Variants in PCM1 observed in about 807,000 individuals in gnomAD.
PCM1 encodes the protein pericentriolar material 1.
PCM1 carries 157 observed loss-of-function variants against 241.9 expected under a neutral mutation model. The observed-to-expected ratio is 0.65, with a 90% confidence interval of 0.57 to 0.74. PCM1 has a LOEUF of 0.74. Ranked by LOEUF, PCM1 falls within the 30% of genes least tolerant of loss-of-function variation. The pLI, the probability that PCM1 is intolerant of heterozygous loss-of-function variation, is 0.00. For synonymous variants in PCM1, 1,085 were observed against 784.9 expected (o/e 1.38, Z -6.39); for missense variants, 3,478 against 2,360.1 (o/e 1.47, Z -9.81).
chr8:17,973,793 A>C (rs575471085), intron 23 of PCM1, among the ~76,000 whole-genome samples: 2 of 152,136 alleles, frequency 1.3e-5, no homozygotes, highest in Non-Finnish European at 2.9e-5. Context: ...AATGCATTGC[A>C]CACTGCTAAC....
rs749552536 is a variant in PCM1 at position 17,960,193 on chromosome 8, A to G, written c.2192+28A>G. ...ATGTTAAGCTTTTGGCCTTCATTTA[A>G]TATAATAAAAATTTAGTGCCTGTTT... On this transcript the variant is annotated intron_variant, in intron 14 of 38. Transcript: ENST00000325083. 9.0e-6 allele frequency: 14 copies of G among 1,548,186 alleles called. No individual in the cohort carries two copies. In the Admixed American group the frequency reaches 3.0e-4, roughly 34 times the overall value.
intron 29 of PCM1, among the ~76,000 whole-genome samples, chr8:18,005,600 AT>A: frequency 6.6e-6 from 1 of 152,162 alleles, no homozygotes; most frequent in Non-Finnish European, 1.5e-5. Flanking sequence ...AAAGTTAACC[AT>A]GATTCATATT....
rs1242682919 is a variant in PCM1, at chr8:18,011,768, G to A, written c.5452G>A (p.Val1818Ile). The change falls in exon 34 of 39, where the codon GTC becomes ATC. Residue 1818 changes from valine to isoleucine, a missense_variant. Coordinates refer to ENST00000325083, the MANE Select transcript of PCM1 (RefSeq NM_006197.4). ...AGAATTTGAAGAAGGCCCTGTGGAT[G>A]TCCAGACTTCCCTCCAGGCTAACAC... The part of the protein sequence containing the change: ...MEEFEEGPVD[V>I]QTSLQANTEA... The A allele has an allele frequency of 6.2e-7, 1 of 1,613,690 alleles. No individual in the cohort carries two copies. The highest frequency in any genetic ancestry group is 1.3e-5 in the African/African-American group (1 of 74,930).
intron 6 of PCM1, among the ~76,000 whole-genome samples, chr8:17,943,833 G>A (rs2062966388): frequency 6.6e-6 from 1 of 152,016 alleles, no homozygotes; most frequent in African/African-American, 2.4e-5. Flanking sequence ...TTTTCAAAAT[G>A]TAGTATTCTG....
chr8:17,984,130 A>G (rs1407594300), intron 24 of PCM1, among the ~76,000 whole-genome samples: 2 of 152,122 alleles, frequency 1.3e-5, no homozygotes, highest in Non-Finnish European at 2.9e-5. Context: ...TGGCATATTC[A>G]TTATTTGAGA....
At chr8:18,017,601 C>T (rs1038102518) in intron 36 of PCM1, among the ~76,000 whole-genome samples, 1 of 152,148 alleles carries the variant, frequency 6.6e-6, no homozygotes, top group Non-Finnish European at 1.5e-5. Context: ...TGCCTGTAAT[C>T]CCAGCCCTTT....
intron 33 of PCM1, 67 bp downstream of exon 33, chr8:18,011,433 T>A (rs1233789051): frequency 3.8e-6 from 5 of 1,325,988 alleles, no homozygotes; most frequent in East Asian, 2.5e-5. Context: ...TGGAACAGTT[T>A]GGTGGAGTGT....
At position 17,938,935 on chromosome 8, in the gene PCM1, A is replaced by C; in HGVS notation, c.538A>C (p.Ser180Arg). ...QCKELFASAL[S>R]NDLLQNCQVS... ...TAAAGAGTTGTTTGCTTCTGCTTTA[A>C]GTAATGACCTCTTGCAAAACTGTCA... is the stretch of plus-strand genomic sequence containing the variant. Residue 180 changes from serine to arginine, a missense_variant, in exon 5 of 39, where the codon AGT (serine) becomes CGT (arginine). Ser to Arg is a moderately radical substitution (Grantham distance 110, BLOSUM62 -1). Transcript: ENST00000325083. The C allele has an allele frequency of 6.2e-7, 1 of 1,613,806 alleles. No homozygotes were observed. The highest frequency in any genetic ancestry group is 8.5e-7 in the Non-Finnish European group (1 of 1,179,686).
At chr8:18,011,951 T>C in intron 34 of PCM1, 124 bp downstream of exon 34, 1 of 817,060 alleles carries the variant, frequency 1.2e-6, no homozygotes, top group Non-Finnish European at 1.9e-6. Context: ...AATGCAAGCC[T>C]CATTAATATG....
chr8:18,001,041 G>C (rs2089228547), intron 29 of PCM1, among the ~76,000 whole-genome samples: 1 of 152,190 alleles, frequency 6.6e-6, no homozygotes, highest in Non-Finnish European at 1.5e-5. Flanking sequence ...GCATATAGCT[G>C]CTGCCTAAAG....
At chr8:17,997,614 C>T (rs117906521) in intron 29 of PCM1, among the ~76,000 whole-genome samples, 1 of 152,174 alleles carries the variant, frequency 6.6e-6, no homozygotes, top group East Asian at 1.9e-4. Context: ...TTGATCAATT[C>T]TATTGAGAGA....
intron 8 of PCM1, among the ~76,000 whole-genome samples, chr8:17,951,463 A>G (rs1467035267): frequency 6.6e-6 from 1 of 152,240 alleles, no homozygotes; most frequent in East Asian, 1.9e-4. Flanking sequence ...TAGATGGAAG[A>G]ATATTCATGG....
chr8:17,980,894 C>T (rs896151220), intron 24 of PCM1, 139 bp downstream of exon 24: 1 of 562,318 alleles, frequency 1.8e-6, no homozygotes, highest in South Asian at 3.0e-5. Flanking sequence ...TTATAGTACA[C>T]ATTCCTTGAT....
chr8:17,942,283 A>G (rs142831655), intron 6 of PCM1, among the ~76,000 whole-genome samples: 2,603 of 152,216 alleles, frequency 0.017, 39 homozygotes, highest in South Asian at 0.042. Flanking sequence ...CCTGGCCAAC[A>G]TGGCGAAACC....
intron 36 of PCM1, among the ~76,000 whole-genome samples, chr8:18,024,774 G>C (rs1186416118): frequency 1.3e-5 from 2 of 152,142 alleles, no homozygotes; most frequent in Non-Finnish European, 2.9e-5. Flanking sequence ...AATATAAGCT[G>C]AACAGGAGCA....
At chr8:17,962,898 G>C in intron 16 of PCM1, 2 of 451,106 alleles carry the variant, frequency 4.4e-6, no homozygotes, top group South Asian at 5.5e-5. Context: ...GTGAGACTCT[G>C]TCTCAAAAAA....
At chr8:18,010,536 C>A in intron 31 of PCM1, 73 bp from the exon 32 acceptor site, 1 of 1,118,942 alleles carries the variant, frequency 8.9e-7, no homozygotes, top group Non-Finnish European at 1.3e-6. Context: ...CTTTGGGAGG[C>A]TGAGACATGA....
At chr8:17,933,883 A>C (rs970533947) in intron 2 of PCM1, among the ~76,000 whole-genome samples, 2 of 152,196 alleles carry the variant, frequency 1.3e-5, no homozygotes, top group South Asian at 4.2e-4. Context: ...TTCATGTCTT[A>C]TTTTAAGCAT....
At position 17,999,801 on chromosome 8, in the gene PCM1, T is replaced by C. The variant is rs140484845; in HGVS notation, c.4827+6182T>C. On this transcript the variant is annotated intron_variant, in intron 29 of 38. Coordinates refer to ENST00000325083, the MANE Select transcript of PCM1 (RefSeq NM_006197.4). Reference sequence around the variant, plus strand: ...TGTTCCAGAAGGGGAAGATGATTGGTGGAGGCTTCTGTTCTGCCATCTTGC... The same window carrying C: ...TGTTCCAGAAGGGGAAGATGATTGGCGGAGGCTTCTGTTCTGCCATCTTGC... Among the ~76,000 whole-genome samples, 1,432 of 152,238 alleles carry C rather than the reference T, an allele frequency of 9.4e-3. 7 individuals carry two copies. Among genetic ancestry groups the C allele is most frequent in the Non-Finnish European group, 0.016 (1,089 of 68,012 alleles).
Sources: allele counts gnomAD v4.1 joint callset (sites outside exome capture counted in the v4.1 genomes callset), GRCh38; gene constraint gnomAD v4.1.1; transcripts MANE v1.5; gene names NCBI Gene and HGNC (gene_info 2026-07-23, HGNC 2026-07-21).